P3H2: variants seen among roughly 807,000 people sequenced by gnomAD.
P3H2 encodes the protein prolyl 3-hydroxylase 2, also known as leprecan-like 1.
Under a neutral mutation model 87.0 loss-of-function variants are expected in P3H2, and 80 were observed. That is an observed-to-expected ratio of 0.92 (90% CI 0.77 to 1.11). The LOEUF (loss-of-function observed/expected upper bound fraction) is 1.11, where lower values mean the gene tolerates loss of function less well. Among genes scored for constraint, P3H2 ranks in the 50% least tolerant of loss-of-function variants. P3H2 has a pLI of 0.00. For synonymous variants in P3H2, 367 were observed against 359.3 expected, an observed-to-expected ratio of 1.02 and a Z score of -0.24; for missense variants, 1,001 against 923.9, an observed-to-expected ratio of 1.08 and a Z score of -1.08.
chr3:190,108,003 C>T (rs1000251881), intron 1 of P3H2, among the ~76,000 whole-genome samples: 40 of 151,510 alleles, frequency 2.6e-4, no homozygotes, highest in Non-Finnish European at 1.0e-4. Context: ...CACAGGGTTC[C>T]CATTATATTA....
At chr3:190,019,815 T>C (rs1460001131) in intron 1 of P3H2, among the ~76,000 whole-genome samples, 3 of 122,868 alleles carry the variant, frequency 2.4e-5, no homozygotes, top group Admixed American at 8.7e-5. Context: ...TATATATATA[T>C]ACTCACAAAC....
At chr3:189,960,771 T>C (rs1722787295) in intron 14 of P3H2, among the ~76,000 whole-genome samples, 1 of 152,184 alleles carries the variant, frequency 6.6e-6, no homozygotes, top group South Asian at 2.1e-4. Flanking sequence ...GTTAAATAAA[T>C]AACTATTTTA....
intron 1 of P3H2, among the ~76,000 whole-genome samples, chr3:190,053,453 T>TGG (rs1726047319): frequency 6.7e-6 from 1 of 148,440 alleles, no homozygotes; most frequent in African/African-American, 2.5e-5. Context: ...TAAAGTGGTT[T>TGG]TTTTTTTTTT....
At chr3:189,959,444 C>G (rs1722745707) in intron 14 of P3H2, among the ~76,000 whole-genome samples, 1 of 133,008 alleles carries the variant, frequency 7.5e-6, no homozygotes, top group Non-Finnish European at 1.6e-5. Flanking sequence ...TGTGATATTC[C>G]CCTTCCTGTG....
intron 6 of P3H2, 25 bp from the exon 7 acceptor site, chr3:189,984,615 A>T (rs200097659): frequency 8.0e-5 from 127 of 1,579,386 alleles, no homozygotes; most frequent in Non-Finnish European, 1.1e-4. Context: ...GTAAAAAAAA[A>T]AATGCAGTAA....
chr3:190,016,670 T>C (rs1724764458), intron 1 of P3H2, among the ~76,000 whole-genome samples: 1 of 152,268 alleles, frequency 6.6e-6, no homozygotes, highest in African/African-American at 2.4e-5. Flanking sequence ...ATATGTTTAA[T>C]GTAGTCTCAT....
chr3:190,073,983 C>T (rs556713105), intron 1 of P3H2, among the ~76,000 whole-genome samples: 31 of 152,154 alleles, frequency 2.0e-4, no homozygotes, highest in Non-Finnish European at 4.0e-4. Context: ...GCACATCATG[C>T]AGAATATCAT....
chr3:189,977,350 T>G (rs994460491), intron 8 of P3H2, among the ~76,000 whole-genome samples: 6 of 152,136 alleles, frequency 3.9e-5, no homozygotes, highest in Admixed American at 6.6e-5. Context: ...GAGGATCACA[T>G]GGCAAGGAAT....
chr3:190,088,736 A>AT (rs917239044), intron 1 of P3H2, among the ~76,000 whole-genome samples: 1 of 152,154 alleles, frequency 6.6e-6, no homozygotes, highest in Non-Finnish European at 1.5e-5. Context: ...TGATTTTCTC[A>AT]TTTTTTAAAA....
rs116101337 is a variant in P3H2 at position 190,030,825 on chromosome 3, A to G, written c.481-35383T>C. 4.2e-3 allele frequency among the ~76,000 whole-genome samples: 639 copies of G among 152,332 alleles called. 4 individuals are homozygous for G. Among genetic ancestry groups the G allele is most frequent in the Middle Eastern group, 0.024 (7 of 292 alleles). On this transcript the variant is annotated intron_variant, in intron 1 of 14. Transcript: ENST00000319332. ...GACTACAAAAGAACTTAATATAGGA[A>G]AAATGAGGCAATGTCAATTAATGAG...
chr3:190,030,524 C>T (rs1725220187), intron 1 of P3H2, among the ~76,000 whole-genome samples: 1 of 152,040 alleles, frequency 6.6e-6, no homozygotes, highest in Non-Finnish European at 1.5e-5. Context: ...CCACTTCACT[C>T]CAGCCTCGGC....
chr3:190,074,297 G>A (rs1726798096), intron 1 of P3H2, among the ~76,000 whole-genome samples: 1 of 152,086 alleles, frequency 6.6e-6, no homozygotes, highest in Non-Finnish European at 1.5e-5. Flanking sequence ...ATCACTTGAG[G>A]TCAGGAGTTC....
Position 189,971,949 on chromosome 3 carries a change from CAACA to C in P3H2, c.1754_1757del (p.Leu585TrpfsTer26). On this transcript the variant is annotated frameshift_variant, in exon 12 of 15. Coordinates refer to ENST00000319332, the MANE Select transcript of P3H2 (RefSeq NM_018192.4). LOFTEE classifies it high-confidence loss of function. ...TCCAGCATTCGTTGGCCTCTGGATC[CAACA>C]AACAGTTGTCAGCATGGATGGGATG... The C allele has an allele frequency of 1.9e-6, 3 of 1,613,850 alleles. No homozygotes were observed. Among genetic ancestry groups the C allele is most frequent in the South Asian group, 2.2e-5 (2 of 91,072 alleles).
chr3:190,003,377 T>C (rs1386914233), intron 1 of P3H2, among the ~76,000 whole-genome samples: 2 of 152,138 alleles, frequency 1.3e-5, no homozygotes, highest in Non-Finnish European at 2.9e-5. Context: ...TTCTAGAAGA[T>C]TTCTTATCTA....
In P3H2 at chr3:190,120,853, T is replaced by C. The variant is rs2108532498; in HGVS notation, c.-122A>G. On this transcript the variant is annotated 5_prime_UTR_variant, in exon 1 of 15. Coordinates refer to ENST00000319332, the MANE Select transcript of P3H2 (RefSeq NM_018192.4). Reference sequence around the variant, plus strand: ...GCCGACTCCGCCGCGATCTGGCCGCTCCGCGAGCCCCAGGTGACCGCCGGC... The same window carrying C: ...GCCGACTCCGCCGCGATCTGGCCGCCCCGCGAGCCCCAGGTGACCGCCGGC... 2 of 1,412,504 alleles carry C rather than the reference T, an allele frequency of 1.4e-6. No individual in the cohort carries two copies. Among genetic ancestry groups the C allele is most frequent in the Non-Finnish European group, 9.3e-7 (1 of 1,080,166 alleles). 87.5% of individuals were successfully genotyped at this position (1,412,504 alleles called of 1,614,324 possible). A position where few individuals can be genotyped will look rare whatever the true frequency, so the allele number is the denominator to read the frequency against.
chr3:190,023,799 T>C (rs1173814179), intron 1 of P3H2, among the ~76,000 whole-genome samples: 1 of 152,232 alleles, frequency 6.6e-6, no homozygotes, highest in African/African-American at 2.4e-5. Flanking sequence ...GGATTTGCTA[T>C]GAAGGCCAAA....
At chr3:190,105,418 G>T (rs1711794262) in intron 1 of P3H2, among the ~76,000 whole-genome samples, 1 of 152,074 alleles carries the variant, frequency 6.6e-6, no homozygotes, top group African/African-American at 2.4e-5. Context: ...TTCTTCATTA[G>T]CTTACTCATC....
At chr3:190,015,033 T>C (rs886129882) in intron 1 of P3H2, among the ~76,000 whole-genome samples, 7 of 152,174 alleles carry the variant, frequency 4.6e-5, no homozygotes, top group African/African-American at 1.7e-4. Flanking sequence ...TTTTAATGTT[T>C]AGAGACAGAG....
At chr3:190,062,827 A>C (rs1726375381) in intron 1 of P3H2, among the ~76,000 whole-genome samples, 4 of 152,082 alleles carry the variant, frequency 2.6e-5, no homozygotes, top group Admixed American at 2.0e-4. Flanking sequence ...CCATATCCTA[A>C]CCACCACCAA....
Sources: allele counts gnomAD v4.1 joint callset (sites outside exome capture counted in the v4.1 genomes callset), GRCh38; gene constraint gnomAD v4.1.1; transcripts MANE v1.5; gene names NCBI Gene and HGNC (gene_info 2026-07-23, HGNC 2026-07-21).